The following PTPRD variants were observed in gnomAD, a reference collection of about 807,000 sequenced individuals.
PTPRD encodes the protein receptor-type tyrosine-protein phosphatase delta.
Under a neutral mutation model 214.5 loss-of-function variants are expected in PTPRD, and 34 were observed. The observed-to-expected ratio is 0.16, with a 90% confidence interval of 0.12 to 0.21. The LOEUF (loss-of-function observed/expected upper bound fraction) is 0.21. Ranked by LOEUF, PTPRD falls within the 10% of genes least tolerant of loss-of-function variation. The pLI, the probability that PTPRD is intolerant of heterozygous loss-of-function variation, is 1.00. For missense variants in PTPRD, 2,545 were observed against 2,398.7 expected, an observed-to-expected ratio of 1.06 and a Z score of -1.27; for synonymous variants, 1,128 against 845.7, an observed-to-expected ratio of 1.33 and a Z score of -5.79.
At chr9:9,185,119 T>C (rs2099930529) in intron 9 of PTPRD, among the ~76,000 whole-genome samples, 1 of 152,186 alleles carries the variant, frequency 6.6e-6, no homozygotes, top group South Asian at 2.1e-4. Context: ...CGTGGTGATT[T>C]GGAATGTCCT....
intron 7 of PTPRD, among the ~76,000 whole-genome samples, chr9:9,711,281 T>C (rs1332134997): frequency 1.3e-5 from 2 of 152,212 alleles, no homozygotes; most frequent in African/African-American, 2.4e-5. Context: ...CTTGTTTATA[T>C]CAATTAACCT....
At chr9:10,241,283 A>G (rs1338075867) in intron 3 of PTPRD, among the ~76,000 whole-genome samples, 2 of 151,998 alleles carry the variant, frequency 1.3e-5, no homozygotes, top group African/African-American at 2.4e-5. Context: ...TTTGTAAAAT[A>G]TTTCAACAGT....
intron 10 of PTPRD, among the ~76,000 whole-genome samples, chr9:9,070,493 G>A (rs536767272): frequency 6.6e-6 from 1 of 152,202 alleles, no homozygotes; most frequent in East Asian, 1.9e-4. Flanking sequence ...AGAATAATAT[G>A]CCTGAAGTTG....
intron 2 of PTPRD, among the ~76,000 whole-genome samples, chr9:10,551,793 A>C (rs984270230): frequency 3.9e-5 from 6 of 152,262 alleles, no homozygotes; most frequent in South Asian, 4.1e-4. Flanking sequence ...CTTTGGCAGG[A>C]TCCAAGCTGA....
At chr9:9,680,674 G>C (rs1402244153) in intron 7 of PTPRD, among the ~76,000 whole-genome samples, 1 of 151,694 alleles carries the variant, frequency 6.6e-6, no homozygotes, top group Non-Finnish European at 1.5e-5. Flanking sequence ...GATTGCCTAA[G>C]TACCTTGACT....
chr9:8,419,769 G>A (rs1480016051), intron 35 of PTPRD, among the ~76,000 whole-genome samples: 1 of 151,636 alleles, frequency 6.6e-6, no homozygotes, highest in African/African-American at 2.4e-5. Context: ...AGTTCTGCCA[G>A]GGAAGCATAA....
chr9:9,503,535 G>T (rs969072673), intron 8 of PTPRD, among the ~76,000 whole-genome samples: 1 of 151,722 alleles, frequency 6.6e-6, no homozygotes, highest in Non-Finnish European at 1.5e-5. Context: ...TGGAATGTTT[G>T]CTGAGTACTA....
At chr9:8,735,164 G>T (rs12353392) in intron 11 of PTPRD, among the ~76,000 whole-genome samples, 104,383 of 137,618 alleles carry the variant, frequency 0.76, 38,369 homozygotes, top group Non-Finnish European at 0.78. Context: ...TTTTTTTTTT[G>T]AGACAGTCTC....
chr9:9,305,075 C>A (rs915002043), intron 9 of PTPRD, among the ~76,000 whole-genome samples: 3 of 150,532 alleles, frequency 2.0e-5, no homozygotes, highest in Non-Finnish European at 3.0e-5. Context: ...AATTCCTGAG[C>A]CTTTCTGGAA....
chr9:9,441,731 A>C, intron 8 of PTPRD, among the ~76,000 whole-genome samples: 1 of 152,210 alleles, frequency 6.6e-6, no homozygotes, highest in East Asian at 1.9e-4. Flanking sequence ...AAAATGAATG[A>C]ATTTGGCATT....
Position 9,458,678 on chromosome 9 carries a change from A to G in PTPRD, c.-236-61196T>C, listed in dbSNP as rs374156276. ...CAAAAATGACCAAGTAGAGTGGCTC[A>G]CTCCTTAATCCCAGCACTTTGGGAG... On this transcript the variant is annotated intron_variant, in intron 8 of 45. Transcript: ENST00000381196. Among the ~76,000 whole-genome samples the G allele has an allele frequency of 4.1e-3, 626 of 152,098 alleles. 1 individual carries two copies. The highest frequency in any genetic ancestry group is 6.0e-3 in the Non-Finnish European group (405 of 67,976).
At chr9:10,039,739 G>A (rs562519176) in intron 3 of PTPRD, among the ~76,000 whole-genome samples, 23 of 151,368 alleles carry the variant, frequency 1.5e-4, no homozygotes, top group African/African-American at 5.1e-4. Flanking sequence ...TTATTATTCT[G>A]CTTTAACCCC....
At chr9:9,338,256 T>C (rs373655626) in intron 9 of PTPRD, among the ~76,000 whole-genome samples, 4 of 152,288 alleles carry the variant, frequency 2.6e-5, no homozygotes, top group East Asian at 3.9e-4. Context: ...TTTAACAGAA[T>C]GTAGGCTTAA....
chr9:8,399,673 T>C (rs753719973), intron 36 of PTPRD, among the ~76,000 whole-genome samples: 8 of 152,158 alleles, frequency 5.3e-5, no homozygotes, highest in Non-Finnish European at 1.2e-4. Flanking sequence ...AAGATTTCTA[T>C]CCTAAGTGTT....
chr9:8,765,563 C>A (rs1299841551), intron 11 of PTPRD, among the ~76,000 whole-genome samples: 1 of 152,192 alleles, frequency 6.6e-6, no homozygotes, highest in African/African-American at 2.4e-5. Context: ...AGCCAATATT[C>A]CCCCAGCCTA....
rs559013566 is a variant in PTPRD, at chr9:8,693,380, A to G, written c.64+40400T>C. On this transcript the variant is annotated intron_variant, in intron 12 of 45. Coordinates refer to ENST00000381196, the MANE Select transcript of PTPRD (RefSeq NM_002839.4). ...TTCTTCTCCATGTTGACGTACGCCAATGAAAATAAACTGGGATATCAGAGA... is the reference window on the plus strand; with the variant it reads ...TTCTTCTCCATGTTGACGTACGCCAGTGAAAATAAACTGGGATATCAGAGA... Among the ~76,000 whole-genome samples the G allele has an allele frequency of 2.0e-5, 3 of 152,326 alleles. No homozygotes were observed. The East Asian group carries it at 5.8e-4, about 29-fold the overall frequency.
intron 8 of PTPRD, among the ~76,000 whole-genome samples, chr9:9,519,805 A>T (rs1231504803): frequency 6.6e-6 from 1 of 152,046 alleles, no homozygotes; most frequent in African/African-American, 2.4e-5. Flanking sequence ...ATTCAACAAA[A>T]TCCATAAAAA....
chr9:8,560,132 A>G (rs2085580260), intron 14 of PTPRD, among the ~76,000 whole-genome samples: 1 of 152,198 alleles, frequency 6.6e-6, no homozygotes, highest in Admixed American at 6.5e-5. Context: ...GCTTGCCTCT[A>G]TTCATATAAC....
chr9:8,995,166 A>T (rs921250088), intron 11 of PTPRD, among the ~76,000 whole-genome samples: 1 of 152,096 alleles, frequency 6.6e-6, no homozygotes, highest in East Asian at 1.9e-4. Flanking sequence ...CTTAATAGAT[A>T]TAACAACCAA....
Sources: gnomAD v4.1 joint callset for allele counts (sites outside exome capture counted in the v4.1 genomes callset) on GRCh38, gnomAD v4.1.1 for gene constraint, MANE v1.5 for transcripts, NCBI Gene and HGNC (gene_info 2026-07-23, HGNC 2026-07-21) for gene names.